The following RBFOX3 variants were observed in gnomAD, a reference collection of about 807,000 sequenced individuals.
RBFOX3 encodes RNA binding fox-1 homolog 3.
Under a neutral mutation model 48.7 loss-of-function variants are expected in RBFOX3, and 17 were observed. The observed-to-expected ratio is 0.35, with a 90% CI of 0.24 to 0.52. RBFOX3 has a LOEUF of 0.52. Ranked by LOEUF, RBFOX3 falls within the 20% of genes least tolerant of loss-of-function variation. The probability of loss-of-function intolerance (pLI) is 0.94; values close to 1 mark genes in which losing one functional copy is unlikely to be tolerated. For synonymous variants in RBFOX3, 212 were observed against 209.5 expected (o/e 1.01, Z -0.10); for missense variants, 382 against 497.5 (o/e 0.77, Z 2.21).
intron 2 of RBFOX3, among the ~76,000 whole-genome samples, chr17:79,460,130 A>C (rs1290070587): frequency 6.6e-6 from 1 of 152,218 alleles, no homozygotes; most frequent in East Asian, 1.9e-4. Context: ...GCTAATGAGT[A>C]CAGGATCTCC....
chr17:79,407,561 G>A (rs930490608), intron 2 of RBFOX3, among the ~76,000 whole-genome samples: 6 of 152,234 alleles, frequency 3.9e-5, no homozygotes, highest in African/African-American at 1.4e-4. Flanking sequence ...ACGGGAACAT[G>A]CAGTAACTCA....
At chr17:79,620,183 ATG>A in the RBFOX3 span, among the ~76,000 whole-genome samples, 1 of 139,292 alleles carries the variant, frequency 7.2e-6, no homozygotes, top group South Asian at 2.4e-4. Flanking sequence ...ATGCACACAC[ATG>A]TGCACATGCA....
intron 2 of RBFOX3, among the ~76,000 whole-genome samples, chr17:79,334,922 A>G (rs532832965): frequency 2.7e-4 from 41 of 152,362 alleles, no homozygotes; most frequent in African/African-American, 9.6e-4. Context: ...TTTCTCCAGC[A>G]TGCTGGGGGC....
chr17:79,342,180 T>C (rs1162249158), intron 2 of RBFOX3, among the ~76,000 whole-genome samples: 1 of 152,250 alleles, frequency 6.6e-6, no homozygotes, highest in East Asian at 1.9e-4. Flanking sequence ...CACTGGTTTA[T>C]TTATGGGGCC....
chr17:79,295,870 C>T (rs569840509), intron 3 of RBFOX3, among the ~76,000 whole-genome samples: 41 of 152,182 alleles, frequency 2.7e-4, no homozygotes, highest in African/African-American at 9.1e-4. Flanking sequence ...CAGTATGTTT[C>T]GGTCTGTCTG....
chr17:79,136,124 G>A (rs924062536), intron 4 of RBFOX3: 5 of 152,184 alleles, frequency 3.3e-5, no homozygotes, highest in African/African-American at 1.2e-4. Flanking sequence ...CACACGTGCC[G>A]ACCTCAGAGA....
chr17:79,564,914 G>A (rs947719525), intron 1 of RBFOX3, among the ~76,000 whole-genome samples: 9 of 151,930 alleles, frequency 5.9e-5, no homozygotes, highest in African/African-American at 9.7e-5. Context: ...GCTGGCACAC[G>A]CCTGTAGTCC....
In RBFOX3 at chr17:79,500,447, G is replaced by A. The variant is rs1051954125; in HGVS notation, c.-319-17849C>T. Among the ~76,000 whole-genome samples, 62 of 152,068 alleles carry A rather than the reference G, an allele frequency of 4.1e-4. No homozygotes were observed. In the East Asian group the frequency reaches 0.012, roughly 29 times the overall value. On this transcript the variant is annotated intron_variant, in intron 1 of 14. Coordinates refer to ENST00000693108, the MANE Select transcript of RBFOX3 (RefSeq NM_001350451.2). ...TAATTTTGCATTTTTAGTAGAGACAGGGTTTCTCCATGTTGGCCAGGCTGG... is the reference window on the plus strand; with the variant it reads ...TAATTTTGCATTTTTAGTAGAGACAAGGTTTCTCCATGTTGGCCAGGCTGG...
intron 1 of RBFOX3, among the ~76,000 whole-genome samples, chr17:79,521,074 CAA>C: frequency 6.6e-6 from 1 of 152,312 alleles, no homozygotes; most frequent in East Asian, 1.9e-4. Flanking sequence ...GGAAGACACG[CAA>C]AGAGGATGGG....
chr17:79,551,369 G>T (rs1301788773), intron 1 of RBFOX3, among the ~76,000 whole-genome samples: 3 of 152,074 alleles, frequency 2.0e-5, no homozygotes, highest in Non-Finnish European at 4.4e-5. Flanking sequence ...ATGTTGAAAT[G>T]CAATCCCCAA....
At chr17:79,445,655 G>A (rs2072102307) in intron 2 of RBFOX3, among the ~76,000 whole-genome samples, 2 of 152,216 alleles carry the variant, frequency 1.3e-5, no homozygotes, top group Non-Finnish European at 2.9e-5. Flanking sequence ...TTTCCTGGGG[G>A]CAAAGCCGGG....
chr17:79,273,467 C>T (rs899372287), intron 3 of RBFOX3, among the ~76,000 whole-genome samples: 4 of 151,874 alleles, frequency 2.6e-5, no homozygotes, highest in African/African-American at 9.7e-5. Flanking sequence ...TGTGCAGAGG[C>T]CTTCACATAG....
At chr17:79,410,759 G>A (rs1038079525) in intron 2 of RBFOX3, among the ~76,000 whole-genome samples, 2 of 152,150 alleles carry the variant, frequency 1.3e-5, no homozygotes, top group Non-Finnish European at 2.9e-5. Context: ...CAGGTCAGGC[G>A]GTGCCTCCTG....
At chr17:79,417,606 C>T (rs1275019332) in intron 2 of RBFOX3, among the ~76,000 whole-genome samples, 2 of 152,210 alleles carry the variant, frequency 1.3e-5, no homozygotes, top group East Asian at 3.8e-4. Flanking sequence ...AGTTGCAACC[C>T]TCATGCATTG....
At chr17:79,202,342 C>T (rs77922604) in intron 4 of RBFOX3, among the ~76,000 whole-genome samples, 6,752 of 152,188 alleles carry the variant, frequency 0.044, 461 homozygotes, top group African/African-American at 0.14. Context: ...ACCACGCTCA[C>T]GTATAATAAC....
At chr17:79,455,906 G>A (rs1258965342) in intron 2 of RBFOX3, among the ~76,000 whole-genome samples, 4 of 152,126 alleles carry the variant, frequency 2.6e-5, no homozygotes, top group South Asian at 4.1e-4. Flanking sequence ...TGCCTCTCTC[G>A]GACATTGCAC....
intron 4 of RBFOX3, among the ~76,000 whole-genome samples, chr17:79,148,865 G>A (rs908838253): frequency 1.3e-5 from 2 of 152,240 alleles, no homozygotes; most frequent in African/African-American, 4.8e-5. Context: ...GAAAGGCTGA[G>A]ACCACCCTCG....
intron 4 of RBFOX3, among the ~76,000 whole-genome samples, chr17:79,153,348 T>C (rs887732108): frequency 8.5e-5 from 13 of 152,236 alleles, no homozygotes; most frequent in African/African-American, 2.9e-4. Context: ...CTGAAGGAAC[T>C]TCATGCCTCA....
intron 3 of RBFOX3, among the ~76,000 whole-genome samples, chr17:79,298,928 T>G (rs1461118496): frequency 6.6e-6 from 1 of 152,196 alleles, no homozygotes; most frequent in East Asian, 1.9e-4. Flanking sequence ...GCAAACAGAC[T>G]GTGCTGGTGG....
Sources: gnomAD v4.1 joint callset for allele counts (sites outside exome capture counted in the v4.1 genomes callset) on GRCh38, gnomAD v4.1.1 for gene constraint, MANE v1.5 for transcripts, NCBI Gene and HGNC (gene_info 2026-07-23, HGNC 2026-07-21) for gene names.